The following MGAT5 variants were observed in gnomAD, a reference collection of about 807,000 sequenced individuals.
MGAT5 encodes the protein alpha-1,6-mannosylglycoprotein 6-beta-N-acetylglucosaminyltransferase.
A neutral mutation model predicts 94.3 loss-of-function variants in MGAT5; 30 were observed. The ratio of observed to expected loss-of-function variants is 0.32; its 90% CI spans 0.24 to 0.43. The LOEUF (loss-of-function observed/expected upper bound fraction) is 0.43, where lower values mean the gene tolerates loss of function less well. Ranked by LOEUF, MGAT5 falls within the 20% of genes least tolerant of loss-of-function variation. The pLI is 1.00. For missense variants in MGAT5, 691 were observed against 905.5 expected, an observed-to-expected ratio of 0.76 and a Z score of 3.04; for synonymous variants, 310 against 322.9, an observed-to-expected ratio of 0.96 and a Z score of 0.43.
chr2:134,359,537 A>G (rs941827429), intron 9 of MGAT5, among the ~76,000 whole-genome samples: 1 of 152,356 alleles, frequency 6.6e-6, no homozygotes, highest in South Asian at 2.1e-4. Flanking sequence ...CATCCTTTTT[A>G]AAAATCACAT....
At chr2:134,432,637 G>A (rs1181145678) in intron 14 of MGAT5, among the ~76,000 whole-genome samples, 1 of 152,232 alleles carries the variant, frequency 6.6e-6, no homozygotes, top group African/African-American at 2.4e-5. Context: ...AGACTAGGCA[G>A]GTAATGATTA....
chr2:134,384,432 G>A (rs887500857), intron 10 of MGAT5, among the ~76,000 whole-genome samples: 2 of 152,038 alleles, frequency 1.3e-5, no homozygotes, highest in South Asian at 2.1e-4. Context: ...TTTCTTCACC[G>A]GCTTCATTGG....
chr2:134,157,981 G>A (rs1280743870), intron 1 of MGAT5, among the ~76,000 whole-genome samples: 1 of 152,240 alleles, frequency 6.6e-6, no homozygotes, highest in African/African-American at 2.4e-5. Context: ...ACAGTGGGTA[G>A]CTTGTCTCTG....
At position 134,208,945 on chromosome 2, in the gene MGAT5, G is replaced by A. The variant is rs13416743; in HGVS notation, c.-142-45317G>A. 6.2e-3 allele frequency among the ~76,000 whole-genome samples: 944 copies of A among 152,260 alleles called. 8 individuals carry two copies. The highest frequency in any genetic ancestry group is 0.021 in the African/African-American group (874 of 41,554). ...TGCCCCAGTGTTGTGGTCAGTGTCT[G>A]TTTTTCCCCAGTGTTCTGGGAGCAG... On this transcript the variant is annotated intron_variant, in intron 1 of 16. Transcript: ENST00000409645.
At chr2:134,300,792 G>T (rs1685969677) in intron 2 of MGAT5, among the ~76,000 whole-genome samples, 1 of 152,078 alleles carries the variant, frequency 6.6e-6, no homozygotes, top group Admixed American at 6.5e-5. Flanking sequence ...GTTGGCAAAG[G>T]GTTAGTTGTT....
At chr2:134,422,319 C>T (rs1005546382) in intron 12 of MGAT5, among the ~76,000 whole-genome samples, 1 of 152,206 alleles carries the variant, frequency 6.6e-6, no homozygotes, top group African/African-American at 2.4e-5. Context: ...CTGAAACCAT[C>T]CCAAAAATTC....
chr2:134,143,640 G>A (rs1179917948), intron 1 of MGAT5, among the ~76,000 whole-genome samples: 7 of 152,230 alleles, frequency 4.6e-5, no homozygotes, highest in Admixed American at 4.6e-4. Flanking sequence ...GTGGAAGGGT[G>A]GTGCTGGGCT....
chr2:134,213,492 C>G (rs1680311388), intron 1 of MGAT5, among the ~76,000 whole-genome samples: 1 of 152,126 alleles, frequency 6.6e-6, no homozygotes, highest in Non-Finnish European at 1.5e-5. Context: ...TCCTACAATT[C>G]AATTCTGACA....
intron 1 of MGAT5, among the ~76,000 whole-genome samples, chr2:134,199,898 A>ATTTTTTC (rs1679691940): frequency 6.6e-6 from 1 of 152,158 alleles, no homozygotes; most frequent in Non-Finnish European, 1.5e-5. Context: ...GAGGTTGTGC[A>ATTTTTTC]AATGGCAAGA....
chr2:134,337,719 G>T (rs1688409265), intron 5 of MGAT5, among the ~76,000 whole-genome samples: 1 of 152,122 alleles, frequency 6.6e-6, no homozygotes, highest in Admixed American at 6.5e-5. Context: ...CAGAAAAGTA[G>T]TATTCTTGGC....
chr2:134,231,734 C>CT (rs1681372807), intron 1 of MGAT5, among the ~76,000 whole-genome samples: 1 of 152,174 alleles, frequency 6.6e-6, no homozygotes, highest in South Asian at 2.1e-4. Context: ...TCTCTACCCA[C>CT]TGGAGGTATT....
rs997014553 is a variant in MGAT5, at chr2:134,201,880, AT to A, written c.-142-52380del. ...GTGACTATCCCTCCAAAAGCTGCTG[AT>A]TAGCACTCTGGCTTGAAAGGCTCCA... On this transcript the variant is annotated intron_variant, in intron 1 of 16. Transcript: ENST00000409645. Among the ~76,000 whole-genome samples, 8 of 128,638 alleles carry A rather than the reference AT, an allele frequency of 6.2e-5. No individual in the cohort carries two copies. The Admixed American group carries it at 7.2e-4, about 11-fold the overall frequency. The allele number at this position is 128,638 out of a possible 152,430, so 84.4% of individuals were successfully genotyped here.
In MGAT5 at chr2:134,171,707, G is replaced by A. The variant is rs1455086603; in HGVS notation, c.-143+51416G>A. 2.0e-5 allele frequency among the ~76,000 whole-genome samples: 3 copies of A among 152,126 alleles called. No homozygotes were observed. In the East Asian group the frequency reaches 5.8e-4, roughly 29 times the overall value. ...AATGGATCAAGTCCTTTAAGAGGAG[G>A]AACTTAAAACCGTCCTTGTCCTTGT... On this transcript the variant is annotated intron_variant, in intron 1 of 16. Coordinates refer to the MGAT5 transcript ENST00000409645.
intron 10 of MGAT5, among the ~76,000 whole-genome samples, chr2:134,382,806 T>A (rs1010099788): frequency 6.6e-6 from 1 of 152,228 alleles, no homozygotes; most frequent in Non-Finnish European, 1.5e-5. Context: ...TCCCAACAGA[T>A]ACCATGAATT....
chr2:134,448,292 T>C (rs535662903), intron 15 of MGAT5, among the ~76,000 whole-genome samples: 93 of 152,296 alleles, frequency 6.1e-4, no homozygotes, highest in African/African-American at 2.1e-3. Context: ...CCTCATTCTT[T>C]TTCAACAGCT....
intron 1 of MGAT5, among the ~76,000 whole-genome samples, chr2:134,196,676 G>A (rs1265268933): frequency 1.3e-5 from 2 of 152,220 alleles, no homozygotes; most frequent in Non-Finnish European, 2.9e-5. Context: ...TCCAGACTGC[G>A]GGCCACCTGT....
chr2:134,237,775 G>A (rs1681736683), intron 1 of MGAT5, among the ~76,000 whole-genome samples: 1 of 144,666 alleles, frequency 6.9e-6, no homozygotes, highest in South Asian at 2.3e-4. Context: ...TTTTGAGATG[G>A]AGTCTTGCTC....
At chr2:134,382,251 TA>T (rs35278348) in intron 10 of MGAT5, among the ~76,000 whole-genome samples, 99 of 143,622 alleles carry the variant, frequency 6.9e-4, no homozygotes, top group Middle Eastern at 7.1e-3. Context: ...ATACCCTGTC[TA>T]AAAAAAAAAA....
At chr2:134,252,780 A>G (rs1682697556), upstream of MGAT5, among the ~76,000 whole-genome samples, 1 of 152,202 alleles carries the variant, frequency 6.6e-6, no homozygotes, top group Admixed American at 6.5e-5. Context: ...TTAAGCATAT[A>G]TATATCATTC....
Sources: allele counts gnomAD v4.1 joint callset (sites outside exome capture counted in the v4.1 genomes callset), GRCh38; gene constraint gnomAD v4.1.1; transcripts MANE v1.5; gene names NCBI Gene and HGNC (gene_info 2026-07-23, HGNC 2026-07-21).